The following BANK1 variants were observed in gnomAD, a reference collection of about 807,000 sequenced individuals.
BANK1 encodes the protein B cell scaffold protein with ankyrin repeats 1.
In BANK1, 95 loss-of-function variants were observed where a neutral mutation model predicts 94.5. The observed-to-expected ratio is 1.00, with a 90% CI of 0.85 to 1.19. The LOEUF (loss-of-function observed/expected upper bound fraction) is 1.19. BANK1 is among the 50% of genes most tolerant of loss of function. The pLI is 0.00. For missense variants in BANK1, 987 were observed against 932.2 expected (o/e 1.06, Z -0.77); for synonymous variants, 334 against 308.4 (o/e 1.08, Z -0.87).
In BANK1 at chr4:102,060,243, ACT is replaced by A; in HGVS notation, c.2006_2007del (p.Leu669GlnfsTer6). The A allele has an allele frequency of 6.3e-7, 1 of 1,590,382 alleles. No individual in the cohort carries two copies. Among genetic ancestry groups the A allele is most frequent in the Non-Finnish European group, 8.5e-7 (1 of 1,173,650 alleles). On this transcript the variant is annotated frameshift_variant, in exon 12 of 17. Transcript: ENST00000322953. LOFTEE classifies it high-confidence loss of function. ...RARIESPAFS[T>X]LRGCLTDGQE... is the part of the protein sequence containing the mutation. ...TCGGATAGAGAGTCCAGCCTTTTCT[ACT>A]CTCAGGGGCTGTCTAACTGATGGTC...
chr4:101,834,378 T>C (rs1726746823), intron 2 of BANK1, among the ~76,000 whole-genome samples: 1 of 152,136 alleles, frequency 6.6e-6, no homozygotes, highest in East Asian at 1.9e-4. Context: ...TGGAAAAGGG[T>C]GTTCAAATAT....
At position 102,022,894 on chromosome 4, in the gene BANK1, A is replaced by G. The variant is rs565245708; in HGVS notation, c.1285+1302A>G. On this transcript the variant is annotated intron_variant, in intron 8 of 16. Coordinates refer to ENST00000322953, the MANE Select transcript of BANK1 (RefSeq NM_017935.5). ...CTGCCTCAGGGCATTTGCACTTTCTATTCCTTCTGTACACTTTCTCCTTAT... is the reference window on the plus strand; with the variant it reads ...CTGCCTCAGGGCATTTGCACTTTCTGTTCCTTCTGTACACTTTCTCCTTAT... 4.6e-5 allele frequency among the ~76,000 whole-genome samples: 7 copies of G among 152,192 alleles called. No individual in the cohort carries two copies. In the South Asian group the frequency reaches 1.0e-3, roughly 23 times the overall value.
At chr4:101,961,706 A>G (rs1383207299) in intron 7 of BANK1, among the ~76,000 whole-genome samples, 1 of 152,162 alleles carries the variant, frequency 6.6e-6, no homozygotes, top group African/African-American at 2.4e-5. Context: ...TTTCAAATAG[A>G]TTAGAGAAAT....
chr4:101,937,462 T>G (rs536285723), intron 7 of BANK1, among the ~76,000 whole-genome samples: 1 of 151,962 alleles, frequency 6.6e-6, no homozygotes, highest in South Asian at 2.1e-4. Flanking sequence ...AAGAAAACAT[T>G]TATGTGGCCA....
chr4:101,942,871 T>C (rs950701319), intron 7 of BANK1, among the ~76,000 whole-genome samples: 2 of 151,938 alleles, frequency 1.3e-5, no homozygotes, highest in African/African-American at 4.8e-5. Flanking sequence ...TACTGTGGCA[T>C]GCTTTAAGGA....
At chr4:101,809,925 A>G (rs534294601) in intron 1 of BANK1, among the ~76,000 whole-genome samples, 1 of 152,344 alleles carries the variant, frequency 6.6e-6, no homozygotes, top group African/African-American at 2.4e-5. Context: ...GTTTTATGGC[A>G]GAGAAGAATT....
intron 1 of BANK1, among the ~76,000 whole-genome samples, chr4:101,793,204 G>T (rs991929222): frequency 2.0e-5 from 3 of 152,174 alleles, no homozygotes; most frequent in Non-Finnish European, 4.4e-5. Context: ...GCTTATACTT[G>T]TAAGGAACAT....
chr4:101,832,801 G>A (rs1019580080), intron 2 of BANK1, among the ~76,000 whole-genome samples: 1 of 151,992 alleles, frequency 6.6e-6, no homozygotes, highest in Non-Finnish European at 1.5e-5. Context: ...TTATGGTAAC[G>A]TGTTTAGTTT....
At chr4:101,813,876 A>G in intron 1 of BANK1, 1 of 985,398 alleles carries the variant, frequency 1.0e-6, no homozygotes, top group Non-Finnish European at 1.2e-6. Context: ...AGGGTGGGGG[A>G]CTACTTGCTT....
At chr4:101,947,619 A>G (rs1469218274) in intron 7 of BANK1, among the ~76,000 whole-genome samples, 1 of 151,786 alleles carries the variant, frequency 6.6e-6, no homozygotes. Context: ...TTTATGATTC[A>G]TTAATTCAGC....
At chr4:101,926,850 G>A (rs900975735) in intron 7 of BANK1, among the ~76,000 whole-genome samples, 8 of 151,712 alleles carry the variant, frequency 5.3e-5, no homozygotes, top group African/African-American at 1.9e-4. Flanking sequence ...GCACAACAAG[G>A]GCAAAGGCTC....
chr4:101,908,239 A>C (rs1252095108), intron 6 of BANK1, among the ~76,000 whole-genome samples: 1 of 152,228 alleles, frequency 6.6e-6, no homozygotes, highest in African/African-American at 2.4e-5. Context: ...CAGAGCCCTC[A>C]GAAATAAGAC....
chr4:102,056,025 A>G (rs1225459292), intron 11 of BANK1, among the ~76,000 whole-genome samples: 2 of 152,162 alleles, frequency 1.3e-5, no homozygotes, highest in Non-Finnish European at 1.5e-5. Flanking sequence ...TCTAAGCTAC[A>G]GGACTCAGTG....
rs563633656 is a variant in BANK1 at position 102,003,484 on chromosome 4, C to G, written c.1207-18030C>G. ...ACTGTGAACCAGGGACTCTATTTCT[C>G]TCCATGTGGTGAGGCTGTACCTTTT... On this transcript the variant is annotated intron_variant, in intron 7 of 16. Transcript: ENST00000322953. Among the ~76,000 whole-genome samples, 10 of 152,290 alleles carry G rather than the reference C, an allele frequency of 6.6e-5. No individual in the cohort carries two copies. The East Asian group carries it at 1.9e-3, about 29-fold the overall frequency.
At chr4:102,073,064 T>C (rs1341984493) in intron 15 of BANK1, among the ~76,000 whole-genome samples, 1 of 152,054 alleles carries the variant, frequency 6.6e-6, no homozygotes, top group Non-Finnish European at 1.5e-5. Context: ...TGCTAACTTC[T>C]TATAATGAAC....
intron 7 of BANK1, among the ~76,000 whole-genome samples, chr4:101,984,865 G>A (rs528441604): frequency 2.6e-5 from 4 of 152,096 alleles, no homozygotes; most frequent in South Asian, 2.1e-4. Flanking sequence ...ATGTAATCAC[G>A]AATGCGACCT....
intron 7 of BANK1, among the ~76,000 whole-genome samples, chr4:101,936,241 T>C (rs1319569061): frequency 4.5e-5 from 6 of 134,826 alleles, no homozygotes; most frequent in East Asian, 2.7e-4. Flanking sequence ...ATGATATGTA[T>C]ACATATATGA....
In BANK1 at chr4:102,007,148, A is replaced by T. The variant is rs1167252170; in HGVS notation, c.1207-14366A>T. The stretch of plus-strand genomic sequence containing the variant: ...TATATATATATAAAAAATATATTTT[A>T]TATATATATATATATATATATAAAA... On this transcript the variant is annotated intron_variant, in intron 7 of 16. Coordinates refer to ENST00000322953, the MANE Select transcript of BANK1 (RefSeq NM_017935.5). Among the ~76,000 whole-genome samples the T allele has an allele frequency of 4.0e-3, 48 of 12,016 alleles. No homozygotes were observed. The East Asian group carries it at 0.051, about 13-fold the overall frequency. 7.9% of individuals were successfully genotyped at this position (12,016 alleles called of 152,430 possible).
chr4:101,979,606 C>T (rs535802944), intron 7 of BANK1, among the ~76,000 whole-genome samples: 27 of 151,834 alleles, frequency 1.8e-4, no homozygotes, highest in African/African-American at 6.5e-4. Context: ...AAAACAAAAT[C>T]GTGACTATCT....
Sources: gnomAD v4.1 joint callset for allele counts (sites outside exome capture counted in the v4.1 genomes callset) on GRCh38, gnomAD v4.1.1 for gene constraint, MANE v1.5 for transcripts, NCBI Gene and HGNC (gene_info 2026-07-23, HGNC 2026-07-21) for gene names.